TTN: variants seen among roughly 807,000 people sequenced by gnomAD.
TTN encodes the protein titin.
In TTN, 1,525 loss-of-function variants were observed where a neutral mutation model predicts 3,223.0. That is an observed-to-expected ratio of 0.47 (90% confidence interval 0.45 to 0.49). The LOEUF (loss-of-function observed/expected upper bound fraction) is 0.49. Among genes scored for constraint, TTN ranks in the 20% least tolerant of loss-of-function variants. The probability of loss-of-function intolerance (pLI) is 0.00; values close to 1 mark genes in which losing one functional copy is unlikely to be tolerated. For synonymous variants in TTN, 14,094 were observed against 15,161.0 expected (o/e 0.93, Z 5.17); for missense variants, 40,786 against 43,424.0 (o/e 0.94, Z 5.40).
At position 178,779,314 on chromosome 2, in the gene TTN, A is replaced by G. The variant is rs747818002; in HGVS notation, c.3878T>C (p.Phe1293Ser). Residue 1293 changes from phenylalanine (F) to serine (S), a missense_variant, in exon 23 of 363, where the codon TTT (phenylalanine) becomes TCT (serine). Coordinates refer to ENST00000589042, the MANE Select transcript of TTN (RefSeq NM_001267550.2). ...TCTATAATTCTTGATTCTTGAATCA[A>G]ATCCTGATTCAACAGCTTCAGATTC... ...ISESEAVESG[F>S]DSRIKNYRIL... is the part of the protein sequence containing the mutation. 3.7e-6 allele frequency: 6 copies of G among 1,613,376 alleles called. No individual in the cohort carries two copies. Among genetic ancestry groups the G allele is most frequent in the Middle Eastern group, 1.6e-4 (1 of 6,080 alleles).
intron 71 of TTN, 66 bp downstream of exon 71, chr2:178,725,302 C>T: frequency 7.2e-7 from 1 of 1,389,852 alleles, no homozygotes; most frequent in South Asian, 1.9e-5. Context: ...AAAGAATCTG[C>T]CAGTAACTCT....
At chr2:178,797,733 TA>T (rs1333168022) in intron 6 of TTN, among the ~76,000 whole-genome samples, 2 of 152,176 alleles carry the variant, frequency 1.3e-5, no homozygotes, top group African/African-American at 4.8e-5. Context: ...AGAAAGGTCT[TA>T]AAATTTTTTC....
At chr2:178,710,243 C>A (rs1399588148) in intron 98 of TTN, among the ~76,000 whole-genome samples, 8 of 152,118 alleles carry the variant, frequency 5.3e-5, no homozygotes, top group Non-Finnish European at 1.0e-4. Context: ...GTCAGGAGCT[C>A]CAGACCAACC....
intron 45 of TTN, 144 bp downstream of exon 45, chr2:178,757,398 C>CG: frequency 9.5e-7 from 1 of 1,047,158 alleles, no homozygotes; most frequent in African/African-American, 1.6e-5. Context: ...GAGGACCTAG[C>CG]GGGAGTTATT....
In TTN at chr2:178,563,522, C is replaced by T. The variant is rs555055615; in HGVS notation, c.82610G>A (p.Gly27537Asp). 2.5e-6 allele frequency: 4 copies of T among 1,613,760 alleles called. No homozygotes were observed. The highest frequency in any genetic ancestry group is 3.4e-6 in the Non-Finnish European group (4 of 1,179,766). The change falls in exon 326 of 363, where the codon GGC (glycine) becomes GAC (aspartate). Residue 27537 changes from glycine (G) to aspartate (D), a missense_variant. Gly to Asp is a moderately conservative substitution (Grantham distance 94, BLOSUM62 -1). Transcript: ENST00000589042. The surrounding 1 kb of genome is among the most constrained non-coding windows in gnomAD (Gnocchi z 4.5). ...LRLRVTGLTEGHSYEFRVAAE... is the reference protein window; with the variant it reads ...LRLRVTGLTEDHSYEFRVAAE... The stretch of plus-strand genomic sequence containing the variant: ...AGCAACTCTGAATTCATAGGAATGG[C>T]CTTCGGTAAGACCAGTTACCCTGAG...
At chr2:178,736,146 A>G (rs2081401291) in intron 49 of TTN, 72 bp from the exon 50 acceptor site, 1 of 1,382,910 alleles carries the variant, frequency 7.2e-7, no homozygotes, top group Non-Finnish European at 9.7e-7. Context: ...ATATTCCAAG[A>G]CAGAGAAAAG....
chr2:178,652,203 A>T, intron 203 of TTN, 24 bp from the exon 204 acceptor site: 1 of 1,612,396 alleles, frequency 6.2e-7, no homozygotes, highest in Non-Finnish European at 8.5e-7. Flanking sequence ...TATTATTTTC[A>T]TTGTTAGACA....
intron 41 of TTN, 60 bp from the exon 42 acceptor site, chr2:178,764,871 A>G: frequency 5.0e-6 from 8 of 1,594,572 alleles, no homozygotes; most frequent in Non-Finnish European, 6.0e-6. Flanking sequence ...GAGAGCATGC[A>G]AAACTCTACA....
In TTN at chr2:178,718,342, TCA is replaced by T; in HGVS notation, c.24762_24763del (p.Cys8254Ter). 1 of 1,613,478 alleles carries T rather than the reference TCA, an allele frequency of 6.2e-7. No individual in the cohort carries two copies. Among genetic ancestry groups the T allele is most frequent in the Non-Finnish European group, 8.5e-7 (1 of 1,179,578 alleles). ...CACACCTAAGACAGACACCAGAGCT[TCA>T]CAGATATCTTGACCAGCCTCATTTT... is the stretch of plus-strand genomic sequence containing the variant. On this transcript the variant is annotated stop_gained and frameshift_variant, in exon 85 of 363. Coordinates refer to ENST00000589042, the MANE Select transcript of TTN (RefSeq NM_001267550.2). LOFTEE classifies it high-confidence loss of function.
At chr2:178,595,121 A>C (rs1041037278) in intron 295 of TTN, among the ~76,000 whole-genome samples, 6 of 152,128 alleles carry the variant, frequency 3.9e-5, no homozygotes, top group Admixed American at 6.6e-5. Context: ...AAATAGAAAA[A>C]TTAGCTGGGC....
chr2:178,740,495 T>A lies in TTN; in HGVS notation c.12738A>T (p.Arg4246Ser). The change falls in exon 48 of 363, where the codon AGA becomes AGT. Residue 4246 changes from arginine to serine, a missense_variant. Physicochemically the swap from Arg to Ser is moderately radical, Grantham distance 110. Transcript: ENST00000589042. ...GCTTTTGAAGAGTCACTCTTTGCTC[T>A]CTGTTGGTGTCAGATACTGTCTTTT... ...PKEKTVSDTN[R>S]EQRVTLQKQE... The A allele has an allele frequency of 1.2e-6, 2 of 1,613,776 alleles. No individual in the cohort carries two copies. Among genetic ancestry groups the A allele is most frequent in the Non-Finnish European group, 1.7e-6 (2 of 1,179,810 alleles).
At position 178,768,085 on chromosome 2, in the gene TTN, T is replaced by C. The variant is rs1265989115; in HGVS notation, c.9234A>G (p.Glu3078=). ...KVLEKKRAMF[E]CEVSEPDITV... ...TGATGTCAGGTTCAGAAACTTCACA[T>C]TCAAACATGGCTCGCTTCTTCTCCA... The change falls in exon 39 of 363, where the codon GAA becomes GAG. Residue 3078 remains glutamate (E), a synonymous_variant. Coordinates refer to ENST00000589042, the MANE Select transcript of TTN (RefSeq NM_001267550.2). The C allele has an allele frequency of 2.5e-6, 4 of 1,614,144 alleles. No individual in the cohort carries two copies. Among genetic ancestry groups the C allele is most frequent in the South Asian group, 1.1e-5 (1 of 91,088 alleles).
chr2:178,739,322 C>A lies in TTN; in HGVS notation c.13911G>T (p.Trp4637Cys). ...TSITNAKEVN[W>C]YFENKLVPSD... ...AAGGCACCAGTTTATTCTCAAAATA[C>A]CAATTCACCTCTTTAGCATTTGTTA... Residue 4637 changes from tryptophan (W) to cysteine (C), a missense_variant, in exon 48 of 363, where the codon TGG (tryptophan) becomes TGT (cysteine). Coordinates refer to ENST00000589042, the MANE Select transcript of TTN (RefSeq NM_001267550.2). 1 of 1,613,680 alleles carries A rather than the reference C, an allele frequency of 6.2e-7. No homozygotes were observed. The highest frequency in any genetic ancestry group is 8.5e-7 in the Non-Finnish European group (1 of 1,179,738).
rs764590459 is a variant in TTN, at chr2:178,756,667, T to A, written c.10809A>T (p.Gly3603=). ...ISQKEIKSFQ[G]SSYEYEVQVF... is the part of the protein sequence containing the mutation. ...CCTGCACTTCATATTCATATGATGA[T>A]CCTTGAAATGACTTAATTTCCTTTT... The change falls in exon 46 of 363, where the codon GGA becomes GGT. Residue 3603 remains glycine, a synonymous_variant. Transcript: ENST00000589042. The A allele has an allele frequency of 2.5e-6, 4 of 1,613,880 alleles. No homozygotes were observed. The highest frequency in any genetic ancestry group is 1.7e-5 in the Admixed American group (1 of 60,008).
At position 178,580,394 on chromosome 2, in the gene TTN, C is replaced by A. The variant is rs886055253; in HGVS notation, c.66985G>T (p.Ala22329Ser). ...LRCENVNKYD[A>S]GKYILTLENS... ...TCCAGGGTTAAGATATATTTTCCTGCATCATATTTGTTCACATTTTCACAG... is the reference window on the plus strand; with the variant it reads ...TCCAGGGTTAAGATATATTTTCCTGAATCATATTTGTTCACATTTTCACAG... The change falls in exon 317 of 363, where the codon GCA becomes TCA. Residue 22329 changes from alanine to serine, a missense_variant. Coordinates refer to ENST00000589042, the MANE Select transcript of TTN (RefSeq NM_001267550.2). The A allele has an allele frequency of 6.2e-7, 1 of 1,613,206 alleles. No homozygotes were observed. Among genetic ancestry groups the A allele is most frequent in the Non-Finnish European group, 8.5e-7 (1 of 1,179,438 alleles).
Position 178,799,824 on chromosome 2 carries a change from C to A in TTN, c.669+1G>T. 6.2e-7 allele frequency: 1 copy of A among 1,614,120 alleles called. No individual in the cohort carries two copies. The highest frequency in any genetic ancestry group is 1.7e-5 in the Admixed American group (1 of 60,028). ...TGAAAACCAACAGTATAGAAAAATA[C>A]CTTTTCAATTCGGGTTTGTCTTGAT... On this transcript the variant is annotated splice_donor_variant, in intron 5 of 362. Transcript: ENST00000589042. LOFTEE classifies it high-confidence loss of function.
At chr2:178,764,065 G>A in intron 43 of TTN, 112 bp downstream of exon 43, 1 of 1,477,774 alleles carries the variant, frequency 6.8e-7, no homozygotes, top group South Asian at 1.1e-5. Flanking sequence ...TTTCCATTAA[G>A]CTTCAAATTA....
At position 178,590,030 on chromosome 2, in the gene TTN, G is replaced by A. The variant is rs554051600; in HGVS notation, c.61695C>T (p.Asn20565=). 44 of 1,613,142 alleles carry A rather than the reference G, an allele frequency of 2.7e-5. No homozygotes were observed. In the South Asian group the frequency reaches 4.5e-4, roughly 17 times the overall value. ...GGCAAGGCCCAGGTCTGTCAAGGAC[G>A]TTAACGATGGCTGAACCTTGGGCAT... ...SGHAQGSAIV[N]VLDRPGPCQN... is the part of the protein sequence containing the mutation. The change falls in exon 304 of 363, where the codon AAC becomes AAT. Residue 20565 remains asparagine, a synonymous_variant. Coordinates refer to ENST00000589042, the MANE Select transcript of TTN (RefSeq NM_001267550.2).
rs1240107488 is a variant in TTN, at chr2:178,549,229, A to G, written c.92397T>C (p.Asn30799=). 6.2e-7 allele frequency: 1 copy of G among 1,613,800 alleles called. No homozygotes were observed. Among genetic ancestry groups the G allele is most frequent in the East Asian group, 2.2e-5 (1 of 44,856 alleles). ...NEYEFHVMAE[N]AAGVGPASGI... is the part of the protein sequence containing the mutation. ...CACTTGCAGGTCCAACTCCTGCAGC[A>G]TTTTCAGCCATGACATGGAATTCAT... is the stretch of plus-strand genomic sequence containing the variant. The change falls in exon 339 of 363, where the codon AAT becomes AAC. Residue 30799 remains asparagine, a synonymous_variant. Coordinates refer to ENST00000589042, the MANE Select transcript of TTN (RefSeq NM_001267550.2).
Sources: gnomAD v4.1 joint callset for allele counts (sites outside exome capture counted in the v4.1 genomes callset) on GRCh38, gnomAD v4.1.1 for gene constraint, Gnocchi (gnomAD v3.1) non-coding constraint, MANE v1.5 for transcripts, NCBI Gene and HGNC (gene_info 2026-07-23, HGNC 2026-07-21) for gene names.